MTFR1: variants seen among roughly 807,000 people sequenced by gnomAD.
The protein encoded by MTFR1 is mitochondrial fission regulator 1.
A neutral mutation model predicts 38.8 loss-of-function variants in MTFR1; 28 were observed. The ratio of observed to expected loss-of-function variants is 0.72; its 90% CI spans 0.53 to 0.99. The LOEUF (loss-of-function observed/expected upper bound fraction) is 0.99. Ranked by LOEUF, MTFR1 falls within the 50% of genes least tolerant of loss-of-function variation. The pLI, the probability that MTFR1 is intolerant of heterozygous loss-of-function variation, is 0.00. For synonymous variants in MTFR1, 145 were observed against 137.0 expected, an observed-to-expected ratio of 1.06 and a Z score of -0.41; for missense variants, 358 against 395.5, an observed-to-expected ratio of 0.91 and a Z score of 0.81.
intron 7 of MTFR1, among the ~76,000 whole-genome samples, chr8:65,708,606 A>G (rs182418073): frequency 6.6e-6 from 1 of 152,148 alleles, no homozygotes; most frequent in Non-Finnish European, 1.5e-5. Flanking sequence ...GTGTGTGCTA[A>G]TCTATTCCAG....
At chr8:65,748,097 G>GT (rs199665356) in intron 3 of MTFR1, among the ~76,000 whole-genome samples, 14,325 of 142,496 alleles carry the variant, frequency 0.1, 1,644 homozygotes, top group East Asian at 0.51. Flanking sequence ...ATCACGGTTT[G>GT]TTTTTTTTTT....
At chr8:65,719,108 G>T (rs1175984533) in intron 2 of MTFR1, 1 of 598,166 alleles carries the variant, frequency 1.7e-6, no homozygotes. Flanking sequence ...GTATGTTCGG[G>T]TCTTGCAATT....
At chr8:65,681,671 G>GTTTTTTTTT (rs200580429) in intron 2 of MTFR1, among the ~76,000 whole-genome samples, 82 of 108,066 alleles carry the variant, frequency 7.6e-4, no homozygotes, top group East Asian at 1.4e-3. Context: ...TGTTGTTTTT[G>GTTTTTTTTT]TTTTTTTTTT....
upstream of MTFR1, chr8:65,644,613 GC>G (rs1453942168): frequency 3.9e-5 from 6 of 152,294 alleles, no homozygotes; most frequent in Admixed American, 2.6e-4. Context: ...CGGAGCGGTT[GC>G]CGCGTCCTCT....
chr8:65,681,104 G>A (rs1804873218), intron 2 of MTFR1, among the ~76,000 whole-genome samples: 1 of 151,674 alleles, frequency 6.6e-6, no homozygotes, highest in African/African-American at 2.4e-5. Context: ...AGTAGAGACG[G>A]GGTTTCACCT....
chr8:65,666,234 C>T (rs1366592485), intron 1 of MTFR1, among the ~76,000 whole-genome samples: 1 of 152,130 alleles, frequency 6.6e-6, no homozygotes, highest in Non-Finnish European at 1.5e-5. Context: ...TGGTGAAACC[C>T]CATCTCTACT....
downstream of MTFR1, among the ~76,000 whole-genome samples, chr8:65,713,991 A>G (rs1235605935): frequency 6.6e-6 from 1 of 151,990 alleles, no homozygotes; most frequent in Admixed American, 6.6e-5. Context: ...CCCAGCCAAC[A>G]ATTTTAAAAA....
downstream of MTFR1, among the ~76,000 whole-genome samples, chr8:65,712,591 T>G (rs1052143881): frequency 6.6e-6 from 1 of 152,350 alleles, no homozygotes; most frequent in African/African-American, 2.4e-5. Flanking sequence ...CAATAGTTAA[T>G]TTTACTTTAA....
intron 3 of MTFR1, among the ~76,000 whole-genome samples, chr8:65,738,806 C>T (rs1345034938): frequency 1.3e-5 from 2 of 152,222 alleles, no homozygotes; most frequent in Non-Finnish European, 2.9e-5. Flanking sequence ...CTGCAATATA[C>T]CTGCTCTTTT....
chr8:65,738,653 C>T (rs1437443237), intron 3 of MTFR1, among the ~76,000 whole-genome samples: 1 of 151,972 alleles, frequency 6.6e-6, no homozygotes, highest in Non-Finnish European at 1.5e-5. Flanking sequence ...AGCTGGTCTC[C>T]AACTCGTGGC....
chr8:65,767,035 A>AACG (rs1393353307), intron 3 of MTFR1, among the ~76,000 whole-genome samples: 2 of 146,320 alleles, frequency 1.4e-5, no homozygotes, highest in Non-Finnish European at 3.0e-5. Flanking sequence ...CAACAACAAC[A>AACG]ACGCCTGGAC....
At chr8:65,699,790 A>G (rs775529613) in intron 4 of MTFR1, among the ~76,000 whole-genome samples, 3 of 152,206 alleles carry the variant, frequency 2.0e-5, no homozygotes, top group Non-Finnish European at 4.4e-5. Context: ...CTTACAGTTT[A>G]AGTCCCTATA....
intron 1 of MTFR1, among the ~76,000 whole-genome samples, chr8:65,658,090 T>G (rs2129048504): frequency 6.6e-6 from 1 of 152,132 alleles, no homozygotes; most frequent in South Asian, 2.1e-4. Flanking sequence ...AAGAATATTC[T>G]ATTAATCTTC....
intron 1 of MTFR1, among the ~76,000 whole-genome samples, chr8:65,663,822 C>CTTTT (rs1035579864): frequency 5.6e-4 from 44 of 78,554 alleles, no homozygotes; most frequent in Non-Finnish European, 7.8e-4. Context: ...AATTTCTTTT[C>CTTTT]TTTTTTTTTT....
intron 3 of MTFR1, among the ~76,000 whole-genome samples, chr8:65,759,796 G>A (rs1808406597): frequency 6.6e-6 from 1 of 151,906 alleles, no homozygotes; most frequent in Admixed American, 6.6e-5. Context: ...ATGGGGAAAG[G>A]TTGCATGTGA....
intron 5 of MTFR1, among the ~76,000 whole-genome samples, chr8:65,706,657 T>A (rs778691819): frequency 6.6e-6 from 1 of 152,208 alleles, no homozygotes; most frequent in Non-Finnish European, 1.5e-5. Context: ...TACTAAATTG[T>A]CAAATTGTAT....
downstream of MTFR1, among the ~76,000 whole-genome samples, chr8:65,714,100 C>T (rs983186618): frequency 1.1e-4 from 17 of 151,600 alleles, no homozygotes; most frequent in Non-Finnish European, 1.9e-4. Flanking sequence ...TACAGAAACC[C>T]GCCATATTAT....
intron 3 of MTFR1, chr8:65,723,326 T>C: frequency 9.2e-6 from 3 of 325,894 alleles, no homozygotes; most frequent in Non-Finnish European, 1.6e-5. Context: ...AAGTTATTGC[T>C]GCTGCCTGTT....
At chr8:65,650,124 C>T (rs1264273315) in intron 1 of MTFR1, among the ~76,000 whole-genome samples, 1 of 152,108 alleles carries the variant, frequency 6.6e-6, no homozygotes, top group Non-Finnish European at 1.5e-5. Flanking sequence ...CAGCTGTGAG[C>T]CACCATGCCC....
Sources: allele counts gnomAD v4.1 joint callset (sites outside exome capture counted in the v4.1 genomes callset), GRCh38; gene constraint gnomAD v4.1.1; transcripts MANE v1.5; gene names NCBI Gene and HGNC (gene_info 2026-07-23, HGNC 2026-07-21).